The following BCAS3 variants were observed in gnomAD, a reference collection of about 807,000 sequenced individuals.
BCAS3 encodes the protein BCAS4/BCAS3 fusion.
BCAS3 carries 53 observed loss-of-function variants against 116.1 expected under a neutral mutation model. The ratio of observed to expected loss-of-function variants is 0.46; its 90% CI spans 0.37 to 0.57. The LOEUF (loss-of-function observed/expected upper bound fraction) is 0.57. Ranked by LOEUF, BCAS3 falls within the 20% of genes least tolerant of loss-of-function variation. The pLI, the probability that BCAS3 is intolerant of heterozygous loss-of-function variation, is 0.00. For synonymous variants in BCAS3, 391 were observed against 408.2 expected, an observed-to-expected ratio of 0.96 and a Z score of 0.51; for missense variants, 917 against 1,165.4, an observed-to-expected ratio of 0.79 and a Z score of 3.10.
At chr17:61,247,931 A>AGCCG (rs2048100086) in intron 22 of BCAS3, among the ~76,000 whole-genome samples, 1 of 152,230 alleles carries the variant, frequency 6.6e-6, no homozygotes, top group African/African-American at 2.4e-5. Context: ...TTAGAAGAGC[A>AGCCG]GCCGCACTTG....
intron 12 of BCAS3, among the ~76,000 whole-genome samples, chr17:60,918,274 C>T (rs1030687970): frequency 2.0e-5 from 3 of 152,152 alleles, no homozygotes; most frequent in African/African-American, 7.2e-5. Flanking sequence ...AGCCTCTTCT[C>T]ATTTGCTTAT....
At chr17:60,737,018 C>T (rs2041056531) in intron 5 of BCAS3, among the ~76,000 whole-genome samples, 1 of 151,984 alleles carries the variant, frequency 6.6e-6, no homozygotes, top group African/African-American at 2.4e-5. Context: ...TGTCTCACCG[C>T]AACTGCTGCC....
rs1330053552 is a variant in BCAS3 at position 61,316,673 on chromosome 17, A to C, written c.2426-51654A>C. Reference sequence around the variant, plus strand: ...AGAGAGGGAAGGAGAAGGAGGATAAAATAAAAGGAAAAGAAGAGGTATGAA... The same window carrying C: ...AGAGAGGGAAGGAGAAGGAGGATAACATAAAAGGAAAAGAAGAGGTATGAA... On this transcript the variant is annotated intron_variant, in intron 22 of 23. Coordinates refer to ENST00000407086, the MANE Select transcript of BCAS3 (RefSeq NM_017679.5). This position sits in a 1 kb window ranked among gnomAD's most constrained non-coding sequence, Gnocchi z 5.8. 6.6e-6 allele frequency among the ~76,000 whole-genome samples: 1 copy of C among 152,186 alleles called. No individual in the cohort carries two copies. Among genetic ancestry groups the C allele is most frequent in the Non-Finnish European group, 1.5e-5 (1 of 68,036 alleles).
intron 16 of BCAS3, among the ~76,000 whole-genome samples, chr17:61,022,393 G>A (rs939770833): frequency 5.3e-5 from 8 of 151,982 alleles, no homozygotes; most frequent in East Asian, 3.9e-4. Context: ...GGAGGCGCCC[G>A]CCACCACGCT....
chr17:61,376,189 C>T lies in BCAS3; in HGVS notation c.2593+7695C>T, dbSNP rs1603171769. On this transcript the variant is annotated intron_variant, in intron 23 of 23. Coordinates refer to ENST00000407086, the MANE Select transcript of BCAS3 (RefSeq NM_017679.5). The surrounding 1 kb of genome is among the most constrained non-coding windows in gnomAD (Gnocchi z 4.5). ...TGACATTTACATGTGTTATGTGGGC[C>T]TCTCAGGTCCCTTTCCCAAACCTGA... Among the ~76,000 whole-genome samples the T allele has an allele frequency of 6.6e-6, 1 of 152,196 alleles. No individual in the cohort carries two copies. The highest frequency in any genetic ancestry group is 2.1e-4 in the South Asian group (1 of 4,834).
At chr17:60,937,682 AT>A (rs1767408813) in intron 13 of BCAS3, among the ~76,000 whole-genome samples, 1 of 152,156 alleles carries the variant, frequency 6.6e-6, no homozygotes, top group African/African-American at 2.4e-5. Context: ...CTTGATACAG[AT>A]TGTTCTCCAT....
Position 60,735,901 on chromosome 17 carries a change from C to T in BCAS3, c.322-11297C>T, listed in dbSNP as rs116764627. ...TATTATTTGACCATGTGATTTTTAC[C>T]GTGTAGCTTATCGATGTGATGGCTT... On this transcript the variant is annotated intron_variant, in intron 5 of 23. Transcript: ENST00000407086. Among the ~76,000 whole-genome samples, 781 of 151,742 alleles carry T rather than the reference C, an allele frequency of 5.1e-3. 5 individuals are homozygous for T. Among genetic ancestry groups the T allele is most frequent in the African/African-American group, 0.017 (705 of 41,382 alleles).
intron 22 of BCAS3, among the ~76,000 whole-genome samples, chr17:61,290,437 A>G (rs187567846): frequency 6.6e-5 from 10 of 152,350 alleles, no homozygotes; most frequent in Non-Finnish European, 1.5e-4. Context: ...CTGCTTATAT[A>G]TGTTTAAGAT....
At chr17:60,942,531 T>C (rs2060279460) in intron 13 of BCAS3, among the ~76,000 whole-genome samples, 2 of 152,144 alleles carry the variant, frequency 1.3e-5, no homozygotes, top group African/African-American at 2.4e-5. Flanking sequence ...TAGCTAGACA[T>C]ATAATGAGAG....
intron 7 of BCAS3, among the ~76,000 whole-genome samples, chr17:60,833,710 G>A (rs1472544397): frequency 6.6e-6 from 1 of 152,146 alleles, no homozygotes; most frequent in African/African-American, 2.4e-5. Flanking sequence ...ACTTTAATCA[G>A]TGGTAAGGCA....
intron 9 of BCAS3, among the ~76,000 whole-genome samples, chr17:60,887,999 A>G (rs1199311559): frequency 6.6e-6 from 1 of 152,188 alleles, no homozygotes; most frequent in African/African-American, 2.4e-5. Flanking sequence ...CTAGTATTAT[A>G]GAGATTCATG....
At chr17:60,750,942 G>A (rs2042402836) in intron 6 of BCAS3, among the ~76,000 whole-genome samples, 1 of 152,158 alleles carries the variant, frequency 6.6e-6, no homozygotes, top group African/African-American at 2.4e-5. Flanking sequence ...TTTGCAGGCT[G>A]TTTTTATGTA....
rs1196781536 is a variant in BCAS3 at position 61,088,046 on chromosome 17, G to T, written c.2425+3482G>T. ...AAAATACAAAAATTAGCTGGGCATGGTTTCACATGGCTGTAATCCCAGCTA... is the reference window on the plus strand; with the variant it reads ...AAAATACAAAAATTAGCTGGGCATGTTTTCACATGGCTGTAATCCCAGCTA... On this transcript the variant is annotated intron_variant, in intron 22 of 23. Coordinates refer to ENST00000407086, the MANE Select transcript of BCAS3 (RefSeq NM_017679.5). The surrounding 1 kb of genome is among the most constrained non-coding windows in gnomAD (Gnocchi z 4.2). Among the ~76,000 whole-genome samples, 1 of 152,106 alleles carries T rather than the reference G, an allele frequency of 6.6e-6. No individual in the cohort carries two copies. Among genetic ancestry groups the T allele is most frequent in the South Asian group, 2.1e-4 (1 of 4,818 alleles).
rs2143963832 is a variant in BCAS3 at position 61,145,532 on chromosome 17, A to G, written c.2425+60968A>G. 6.6e-6 allele frequency among the ~76,000 whole-genome samples: 1 copy of G among 152,222 alleles called. No individual in the cohort carries two copies. The highest frequency in any genetic ancestry group is 1.9e-4 in the East Asian group (1 of 5,168). ...AGTACACAGACTTTGGAGATGAAAA[A>G]CAGACGGAGAGAGGCATTTCCAACC... On this transcript the variant is annotated intron_variant, in intron 22 of 23. Coordinates refer to ENST00000407086, the MANE Select transcript of BCAS3 (RefSeq NM_017679.5). The surrounding 1 kb of genome is among the most constrained non-coding windows in gnomAD (Gnocchi z 5.0).
intron 15 of BCAS3, among the ~76,000 whole-genome samples, chr17:60,998,936 T>G: frequency 6.6e-6 from 1 of 152,206 alleles, no homozygotes; most frequent in Non-Finnish European, 1.5e-5. Flanking sequence ...CTAGAATTTT[T>G]ATAGTTTCAG....
intron 22 of BCAS3, among the ~76,000 whole-genome samples, chr17:61,238,375 A>C (rs1027806625): frequency 6.6e-6 from 1 of 152,026 alleles, no homozygotes; most frequent in Non-Finnish European, 1.5e-5. Flanking sequence ...GGCGCCTGCC[A>C]CCACACCTGG....
At chr17:61,058,190 T>C (rs2069586363) in intron 19 of BCAS3, among the ~76,000 whole-genome samples, 1 of 152,130 alleles carries the variant, frequency 6.6e-6, no homozygotes, top group Non-Finnish European at 1.5e-5. Flanking sequence ...GGTGGGTGAG[T>C]GCCACAGATT....
chr17:61,264,667 C>G (rs1339083448), intron 22 of BCAS3, among the ~76,000 whole-genome samples: 1 of 152,140 alleles, frequency 6.6e-6, no homozygotes, highest in Non-Finnish European at 1.5e-5. Context: ...CTCGGCCTCC[C>G]GAAGTGCTGG....
chr17:60,795,935 C>T (rs559233274), intron 6 of BCAS3, among the ~76,000 whole-genome samples: 1 of 152,274 alleles, frequency 6.6e-6, no homozygotes, highest in Admixed American at 6.5e-5. Context: ...AGTGATCCAC[C>T]CACCTCGGCC....
Sources: allele counts gnomAD v4.1 joint callset (sites outside exome capture counted in the v4.1 genomes callset), GRCh38; gene constraint gnomAD v4.1.1; non-coding constraint Gnocchi (gnomAD v3.1); transcripts MANE v1.5; gene names NCBI Gene and HGNC (gene_info 2026-07-23, HGNC 2026-07-21).